Variants in NLGN1 observed in about 807,000 individuals in gnomAD.
NLGN1 encodes the protein neuroligin 1, also known as neuroligin-1.
NLGN1 carries 12 observed loss-of-function variants against 65.5 expected under a neutral mutation model. The ratio of observed to expected loss-of-function variants is 0.18; its 90% CI spans 0.12 to 0.30. The LOEUF (loss-of-function observed/expected upper bound fraction) is 0.30, where lower values mean the gene tolerates loss of function less well. Ranked by LOEUF, NLGN1 falls within the 10% of genes least tolerant of loss-of-function variation. The pLI is 1.00. For missense variants in NLGN1, 750 were observed against 1,007.1 expected (o/e 0.74, Z 3.46); for synonymous variants, 350 against 359.5 (o/e 0.97, Z 0.30).
At chr3:173,420,798 G>A (rs1473704556) in intron 1 of NLGN1, among the ~76,000 whole-genome samples, 1 of 152,164 alleles carries the variant, frequency 6.6e-6, no homozygotes, top group African/African-American at 2.4e-5. Context: ...TGATAGTATT[G>A]AAGAGCCTAT....
intron 4 of NLGN1, among the ~76,000 whole-genome samples, chr3:173,848,985 C>T (rs1726356805): frequency 6.6e-6 from 1 of 152,040 alleles, no homozygotes; most frequent in Non-Finnish European, 1.5e-5. Flanking sequence ...TGCATATGAG[C>T]TGAGAAACCA....
chr3:173,957,200 A>G (rs1242195324), intron 4 of NLGN1, among the ~76,000 whole-genome samples: 1 of 152,118 alleles, frequency 6.6e-6, no homozygotes, highest in Non-Finnish European at 1.5e-5. Context: ...AAATGTGTTT[A>G]TTTGCCTGGA....
At chr3:173,442,064 G>T (rs1193114146) in intron 2 of NLGN1, among the ~76,000 whole-genome samples, 1 of 152,140 alleles carries the variant, frequency 6.6e-6, no homozygotes, top group African/African-American at 2.4e-5. Context: ...GTCAAATTAT[G>T]TAAAAATATG....
At chr3:173,704,635 T>G (rs1767765747) in intron 3 of NLGN1, among the ~76,000 whole-genome samples, 1 of 152,200 alleles carries the variant, frequency 6.6e-6, no homozygotes, top group African/African-American at 2.4e-5. Context: ...TGGATTATTT[T>G]GGTCACTCTG....
intron 3 of NLGN1, among the ~76,000 whole-genome samples, chr3:173,612,769 G>A (rs1047376749): frequency 6.6e-6 from 1 of 152,098 alleles, no homozygotes; most frequent in African/African-American, 2.4e-5. Flanking sequence ...CAGCAGAATT[G>A]TTGTTGTTTT....
At chr3:174,139,423 C>T (rs1326437575) in intron 4 of NLGN1, among the ~76,000 whole-genome samples, 1 of 151,946 alleles carries the variant, frequency 6.6e-6, no homozygotes, top group African/African-American at 2.4e-5. Flanking sequence ...AAGTTTCCTC[C>T]ATGTCTTTTT....
chr3:173,588,085 A>G (rs191025249), intron 2 of NLGN1, among the ~76,000 whole-genome samples: 4 of 152,334 alleles, frequency 2.6e-5, no homozygotes, highest in African/African-American at 9.6e-5. Flanking sequence ...AGAAATAAAA[A>G]AGAACAAAAA....
At chr3:174,047,821 A>G (rs1481638219) in intron 4 of NLGN1, among the ~76,000 whole-genome samples, 2 of 151,820 alleles carry the variant, frequency 1.3e-5, no homozygotes, top group African/African-American at 4.8e-5. Flanking sequence ...AAAAAAAGAT[A>G]TAATTTGCAA....
intron 2 of NLGN1, among the ~76,000 whole-genome samples, chr3:173,446,735 G>A (rs1720425857): frequency 6.6e-6 from 1 of 152,118 alleles, no homozygotes; most frequent in South Asian, 2.1e-4. Context: ...GTTGTTTCCT[G>A]ACTTCGTAAT....
At chr3:173,789,566 A>G (rs999698477) in intron 3 of NLGN1, among the ~76,000 whole-genome samples, 2 of 152,204 alleles carry the variant, frequency 1.3e-5, no homozygotes, top group Admixed American at 6.5e-5. Flanking sequence ...ACAATGTCAT[A>G]TAGATTATCA....
At chr3:173,569,891 T>G (rs1230362331) in intron 2 of NLGN1, among the ~76,000 whole-genome samples, 1 of 152,196 alleles carries the variant, frequency 6.6e-6, no homozygotes, top group Admixed American at 6.5e-5. Context: ...AAGAAATTAC[T>G]TAGCAGATAG....
rs147268305 is a variant in NLGN1 at position 174,044,319 on chromosome 3, C to T, written c.647-230996C>T. Among the ~76,000 whole-genome samples, 15 of 152,282 alleles carry T rather than the reference C, an allele frequency of 9.9e-5. No homozygotes were observed. The East Asian group carries it at 2.9e-3, about 29-fold the overall frequency. ...CATTACTTACGCAAATTTCTCCAGCCAGCTTGAATTTCTCCCCAGAAAATT... is the reference window on the plus strand; with the variant it reads ...CATTACTTACGCAAATTTCTCCAGCTAGCTTGAATTTCTCCCCAGAAAATT... On this transcript the variant is annotated intron_variant, in intron 4 of 6. Transcript: ENST00000457714.
At chr3:174,064,502 A>T (rs1180834141) in intron 4 of NLGN1, among the ~76,000 whole-genome samples, 1 of 151,638 alleles carries the variant, frequency 6.6e-6, no homozygotes, top group Non-Finnish European at 1.5e-5. Flanking sequence ...TTGGACATAT[A>T]ACTTAACCTC....
chr3:174,265,572 C>T (rs1281545156), intron 4 of NLGN1, among the ~76,000 whole-genome samples: 1 of 151,826 alleles, frequency 6.6e-6, no homozygotes, highest in South Asian at 2.1e-4. Flanking sequence ...GACCTGCGCC[C>T]ACTGTCTGGC....
chr3:173,782,622 C>T (rs1781341948), intron 3 of NLGN1, among the ~76,000 whole-genome samples: 2 of 151,426 alleles, frequency 1.3e-5, no homozygotes, highest in African/African-American at 2.4e-5. Flanking sequence ...ATGCCTCGGG[C>T]AGCCCCCAGG....
chr3:173,423,430 C>G (rs1404224471), intron 1 of NLGN1, among the ~76,000 whole-genome samples: 2 of 152,154 alleles, frequency 1.3e-5, no homozygotes, highest in Non-Finnish European at 2.9e-5. Flanking sequence ...CAAGGCAAGT[C>G]CCTCCTGCCT....
intron 4 of NLGN1, among the ~76,000 whole-genome samples, chr3:173,900,420 G>T (rs1244628888): frequency 6.6e-6 from 1 of 152,002 alleles, no homozygotes; most frequent in East Asian, 1.9e-4. Flanking sequence ...CAGAGGAAAA[G>T]AAAGTAATTA....
chr3:173,820,272 T>A (rs934973862), intron 4 of NLGN1, among the ~76,000 whole-genome samples: 1 of 151,934 alleles, frequency 6.6e-6, no homozygotes, highest in Non-Finnish European at 1.5e-5. Context: ...TCTAGAGAAG[T>A]ATTCCTTGTT....
intron 4 of NLGN1, among the ~76,000 whole-genome samples, chr3:173,833,828 C>G (rs1723072234): frequency 1.3e-5 from 2 of 152,110 alleles, no homozygotes; most frequent in South Asian, 4.1e-4. Context: ...GGCATGTTTT[C>G]TCCTATAGGA....
Sources: allele counts gnomAD v4.1 joint callset (sites outside exome capture counted in the v4.1 genomes callset), GRCh38; gene constraint gnomAD v4.1.1; transcripts MANE v1.5; gene names NCBI Gene and HGNC (gene_info 2026-07-23, HGNC 2026-07-21).